The following MARCHF1 variants were observed in gnomAD, a reference collection of about 807,000 sequenced individuals.
The protein encoded by MARCHF1 is membrane associated ring-CH-type finger 1.
Under a neutral mutation model 54.2 loss-of-function variants are expected in MARCHF1, and 40 were observed. The ratio of observed to expected loss-of-function variants is 0.74; its 90% CI spans 0.57 to 0.96. The LOEUF (loss-of-function observed/expected upper bound fraction) is 0.96, where lower values mean the gene tolerates loss of function less well. Ranked by LOEUF, MARCHF1 falls within the 40% of genes least tolerant of loss-of-function variation. The probability of loss-of-function intolerance (pLI) is 0.00; values close to 1 mark genes in which losing one functional copy is unlikely to be tolerated. For missense variants in MARCHF1, 586 were observed against 656.5 expected, an observed-to-expected ratio of 0.89 and a Z score of 1.17; for synonymous variants, 236 against 236.3, an observed-to-expected ratio of 1.00 and a Z score of 0.01.
At chr4:163,924,006 A>G (rs922374154) in intron 3 of MARCHF1, among the ~76,000 whole-genome samples, 2 of 152,042 alleles carry the variant, frequency 1.3e-5, no homozygotes, top group Non-Finnish European at 2.9e-5. Flanking sequence ...AAACATTTTT[A>G]GAATATCTGA....
intron 4 of MARCHF1, among the ~76,000 whole-genome samples, chr4:163,791,452 T>C (rs760434248): frequency 4.6e-5 from 7 of 152,182 alleles, no homozygotes; most frequent in Non-Finnish European, 5.9e-5. Flanking sequence ...CTGCATATTA[T>C]ACATATTCAT....
chr4:164,208,144 C>A (rs903880592), intron 1 of MARCHF1, among the ~76,000 whole-genome samples: 1 of 152,120 alleles, frequency 6.6e-6, no homozygotes, highest in African/African-American at 2.4e-5. Flanking sequence ...TCATCAGTGT[C>A]TCTGGAACAA....
chr4:164,302,349 T>C (rs919430784), intron 1 of MARCHF1, among the ~76,000 whole-genome samples: 1 of 152,158 alleles, frequency 6.6e-6, no homozygotes, highest in Non-Finnish European at 1.5e-5. Context: ...AAGTAAAATT[T>C]ATAAGTGGTA....
intron 8 of MARCHF1, among the ~76,000 whole-genome samples, chr4:163,572,816 T>C (rs192657405): frequency 7.9e-5 from 12 of 152,252 alleles, no homozygotes; most frequent in African/African-American, 2.9e-4. Flanking sequence ...TGGGTATGCA[T>C]TGCTCAGCAT....
At chr4:163,805,955 T>C (rs35305659) in intron 4 of MARCHF1, among the ~76,000 whole-genome samples, 3,352 of 152,266 alleles carry the variant, frequency 0.022, 46 homozygotes, top group Non-Finnish European at 0.033. Flanking sequence ...TCTCCAGAGA[T>C]CTTAATTCTA....
At chr4:164,240,443 T>G (rs557673823) in intron 1 of MARCHF1, among the ~76,000 whole-genome samples, 1 of 152,312 alleles carries the variant, frequency 6.6e-6, no homozygotes, top group Non-Finnish European at 1.5e-5. Flanking sequence ...TTCCTCATCT[T>G]GCTTTATGTC....
intron 5 of MARCHF1, among the ~76,000 whole-genome samples, chr4:163,695,760 T>C (rs955556346): frequency 2.0e-5 from 3 of 152,194 alleles, no homozygotes; most frequent in Admixed American, 2.0e-4. Context: ...AGTTGGCTTT[T>C]GAAAGGTTTT....
intron 3 of MARCHF1, among the ~76,000 whole-genome samples, chr4:163,868,029 C>T (rs886633935): frequency 4.0e-5 from 6 of 151,812 alleles, no homozygotes; most frequent in Admixed American, 3.3e-4. Flanking sequence ...TTTATTCCAT[C>T]ACCAGAAGGC....
intron 1 of MARCHF1, among the ~76,000 whole-genome samples, chr4:164,367,079 C>T (rs928613332): frequency 6.6e-6 from 1 of 151,950 alleles, no homozygotes; most frequent in Non-Finnish European, 1.5e-5. Context: ...GTTCAGAGGG[C>T]CCAAGCACCG....
At chr4:163,627,174 T>A (rs1410513554) in intron 5 of MARCHF1, among the ~76,000 whole-genome samples, 1 of 152,210 alleles carries the variant, frequency 6.6e-6, no homozygotes, top group Non-Finnish European at 1.5e-5. Flanking sequence ...ACAGTGGTCA[T>A]TTGGCCTCTG....
chr4:164,265,616 C>T (rs1474605557), intron 1 of MARCHF1, among the ~76,000 whole-genome samples: 1 of 151,914 alleles, frequency 6.6e-6, no homozygotes, highest in African/African-American at 2.4e-5. Context: ...ACATTAACAT[C>T]CCAAATCCTT....
At chr4:164,071,325 G>T (rs149036473) in intron 2 of MARCHF1, among the ~76,000 whole-genome samples, 1,878 of 152,140 alleles carry the variant, frequency 0.012, 38 homozygotes, top group African/African-American at 0.043. Context: ...GAAAACAAAA[G>T]AAAGTATAAT....
intron 1 of MARCHF1, among the ~76,000 whole-genome samples, chr4:164,116,445 A>AGT (rs962362843): frequency 6.6e-6 from 1 of 152,152 alleles, no homozygotes; most frequent in African/African-American, 2.4e-5. Flanking sequence ...TATGTGCACA[A>AGT]GTGTGTGCTT....
intron 3 of MARCHF1, among the ~76,000 whole-genome samples, chr4:163,917,143 C>T (rs2111351711): frequency 6.6e-6 from 1 of 152,244 alleles, no homozygotes; most frequent in South Asian, 2.1e-4. Context: ...GTAATATGCA[C>T]TTGGAGTTCT....
At chr4:164,117,909 C>T (rs577274754) in intron 1 of MARCHF1, among the ~76,000 whole-genome samples, 1 of 151,940 alleles carries the variant, frequency 6.6e-6, no homozygotes, top group African/African-American at 2.4e-5. Context: ...AAAACAACAA[C>T]AAAAATCAGC....
chr4:163,811,616 A>T (rs565511124), intron 4 of MARCHF1, among the ~76,000 whole-genome samples: 1 of 152,332 alleles, frequency 6.6e-6, no homozygotes, highest in South Asian at 2.1e-4. Context: ...CTGAAAATGT[A>T]TGTTGGCAGG....
At chr4:164,371,000 G>T (rs1731022725) in intron 1 of MARCHF1, among the ~76,000 whole-genome samples, 1 of 152,042 alleles carries the variant, frequency 6.6e-6, no homozygotes, top group African/African-American at 2.4e-5. Context: ...TAAAGAATGA[G>T]AATGAGGAGA....
At chr4:164,166,886 T>C (rs936791444) in intron 1 of MARCHF1, among the ~76,000 whole-genome samples, 5 of 92,356 alleles carry the variant, frequency 5.4e-5, no homozygotes, top group Non-Finnish European at 1.0e-4. Flanking sequence ...AAAAATACTA[T>C]TTTTGGTAAA....
chr4:163,834,134 AT>A (rs1253576857), intron 4 of MARCHF1, among the ~76,000 whole-genome samples: 2 of 152,230 alleles, frequency 1.3e-5, no homozygotes, highest in African/African-American at 2.4e-5. Flanking sequence ...AAGACAAAAA[AT>A]TGTACTTGTA....
Sources: gnomAD v4.1 joint callset for allele counts (sites outside exome capture counted in the v4.1 genomes callset) on GRCh38, gnomAD v4.1.1 for gene constraint, MANE v1.5 for transcripts, NCBI Gene and HGNC (gene_info 2026-07-23, HGNC 2026-07-21) for gene names.